Variants in THSD4 observed in about 807,000 individuals in gnomAD.
THSD4 encodes thrombospondin type 1 domain containing 4.
THSD4 carries 69 observed loss-of-function variants against 119.0 expected under a neutral mutation model. That is an observed-to-expected ratio of 0.58 (90% confidence interval 0.48 to 0.71). The LOEUF is 0.71. THSD4 is among the 30% of genes least tolerant of loss of function. THSD4 has a pLI of 0.00. For missense variants in THSD4, 1,393 were observed against 1,391.1 expected (o/e 1.00, Z -0.02); for synonymous variants, 524 against 540.4 (o/e 0.97, Z 0.42).
intron 8 of THSD4, among the ~76,000 whole-genome samples, chr15:71,718,364 A>C (rs542902641): frequency 1.3e-5 from 2 of 152,242 alleles, no homozygotes; most frequent in African/African-American, 4.8e-5. Flanking sequence ...TGCTCGTAGC[A>C]AGTGGACAGC....
chr15:71,319,381 TCCCTCCC>T (rs2045235461), intron 6 of THSD4, among the ~76,000 whole-genome samples: 1 of 137,632 alleles, frequency 7.3e-6, no homozygotes. Flanking sequence ...CCTAATGCTA[TCCCTCCC>T]CCCTCCCCCT....
chr15:71,379,142 C>G (rs2046191814), intron 6 of THSD4, among the ~76,000 whole-genome samples: 1 of 152,070 alleles, frequency 6.6e-6, no homozygotes, highest in South Asian at 2.1e-4. Flanking sequence ...GGCTTCTGCT[C>G]CAGGATTAGG....
intron 8 of THSD4, among the ~76,000 whole-genome samples, chr15:71,689,991 A>C (rs1260136436): frequency 6.6e-6 from 1 of 152,220 alleles, no homozygotes; most frequent in Non-Finnish European, 1.5e-5. Flanking sequence ...ATGCCGCTTC[A>C]AACTTCCCAC....
At chr15:71,679,455 A>G (rs903301008) in intron 8 of THSD4, among the ~76,000 whole-genome samples, 2 of 152,240 alleles carry the variant, frequency 1.3e-5, no homozygotes, top group African/African-American at 4.8e-5. Flanking sequence ...AAAATACGAT[A>G]TACCAAAAAA....
intron 7 of THSD4, among the ~76,000 whole-genome samples, chr15:71,551,923 C>A (rs2048937266): frequency 6.6e-6 from 1 of 152,228 alleles, no homozygotes; most frequent in Non-Finnish European, 1.5e-5. Flanking sequence ...ATGATGGGAA[C>A]CCTCCCCAAA....
chr15:71,341,333 C>T lies in THSD4; in HGVS notation c.1016-70354C>T, dbSNP rs373176169. 1,298 of 1,606,204 alleles carry T rather than the reference C, an allele frequency of 8.1e-4. 2 individuals carry two copies. The highest frequency in any genetic ancestry group is 1.0e-3 in the Non-Finnish European group (1,216 of 1,179,664). On this transcript the variant is annotated intron_variant, in intron 6 of 17. Coordinates refer to ENST00000261862, the MANE Select transcript of THSD4 (RefSeq NM_024817.3). ...CCGACCATGAGCTCTGTAGGTCCGG[C>T]GGTGCATCTTAGGTGCTTTGTTCAC...
At chr15:71,183,239 GA>G (rs2043553899) in intron 3 of THSD4, 1 of 151,744 alleles carries the variant, frequency 6.6e-6, no homozygotes, top group Non-Finnish European at 1.5e-5. Flanking sequence ...CGGATCTTGT[GA>G]GACTTAATTC....
chr15:71,765,331 T>A, intron 16 of THSD4, 132 bp downstream of exon 16: 1 of 1,125,482 alleles, frequency 8.9e-7, no homozygotes, highest in Non-Finnish European at 1.2e-6. Flanking sequence ...CCTTAGGTGG[T>A]AGCTGCTGGA....
intron 4 of THSD4, among the ~76,000 whole-genome samples, chr15:71,230,104 AGGGCAGAGGGCACTGTTT>A (rs1296211200): frequency 2.0e-5 from 3 of 152,126 alleles, no homozygotes; most frequent in Non-Finnish European, 4.4e-5. Flanking sequence ...GTCAGCCTCT[AGGGCAGAGGGCACTGTTT>A]GACAGTCCCT....
intron 6 of THSD4, among the ~76,000 whole-genome samples, chr15:71,408,676 AC>A (rs1255887239): frequency 1.3e-5 from 2 of 151,774 alleles, no homozygotes; most frequent in Non-Finnish European, 2.9e-5. Context: ...ACATGGCAAA[AC>A]CCCATCTCTA....
At chr15:71,512,007 A>G (rs553458871) in intron 7 of THSD4, among the ~76,000 whole-genome samples, 43 of 152,310 alleles carry the variant, frequency 2.8e-4, no homozygotes, top group African/African-American at 1.0e-3. Context: ...AGGCAATGTT[A>G]TGTAATGACC....
chr15:71,687,715 A>G (rs961655656), intron 8 of THSD4, among the ~76,000 whole-genome samples: 5 of 150,306 alleles, frequency 3.3e-5, no homozygotes, highest in African/African-American at 9.8e-5. Context: ...AGATCGTGCC[A>G]TTACACTCCA....
At chr15:71,469,702 G>A (rs1188060058) in intron 7 of THSD4, among the ~76,000 whole-genome samples, 3 of 152,186 alleles carry the variant, frequency 2.0e-5, no homozygotes, top group Non-Finnish European at 1.5e-5. Context: ...AAGAAGGCAG[G>A]AATTTCAGTC....
chr15:71,660,039 T>A (rs1199399820), intron 7 of THSD4, among the ~76,000 whole-genome samples: 1 of 152,178 alleles, frequency 6.6e-6, no homozygotes, highest in African/African-American at 2.4e-5. Context: ...AGTTAGAGGT[T>A]CAGCTCCCAA....
chr15:71,356,146 G>A (rs1233564894), intron 6 of THSD4, among the ~76,000 whole-genome samples: 1 of 152,160 alleles, frequency 6.6e-6, no homozygotes, highest in African/African-American at 2.4e-5. Flanking sequence ...GAGCTTACAG[G>A]AGTGAGCCAC....
In THSD4 at chr15:71,215,082, C is replaced by T. The variant is rs928724840; in HGVS notation, c.147C>T (p.Gly49=). The T allele has an allele frequency of 4.6e-6, 6 of 1,303,022 alleles. No homozygotes were observed. Among genetic ancestry groups the T allele is most frequent in the Non-Finnish European group, 3.9e-6 (4 of 1,024,758 alleles). The allele number at this position is 1,303,022 out of a possible 1,614,324, so 80.7% of individuals were successfully genotyped here. ...AAEGAPEDDG[G]GGAPGVWGAW... ...AGGGCGCCCCCGAGGACGACGGCGG[C>T]GGCGGCGCCCCGGGAGTGTGGGGCG... The change falls in exon 4 of 18, where the codon GGC becomes GGT. Residue 49 remains glycine, a synonymous_variant. Coordinates refer to ENST00000261862, the MANE Select transcript of THSD4 (RefSeq NM_024817.3).
chr15:71,550,250 C>T (rs902308799), intron 7 of THSD4, among the ~76,000 whole-genome samples: 8 of 152,004 alleles, frequency 5.3e-5, no homozygotes, highest in Non-Finnish European at 7.4e-5. Flanking sequence ...AGCAGAATGG[C>T]GGGGAAGGGG....
chr15:71,711,158 T>C (rs1035499628), intron 8 of THSD4, among the ~76,000 whole-genome samples: 1 of 150,438 alleles, frequency 6.6e-6, no homozygotes, highest in African/African-American at 2.4e-5. Flanking sequence ...ATGGCAAATA[T>C]AACATAAATA....
At chr15:71,161,136 T>C (rs183371359) in intron 3 of THSD4, among the ~76,000 whole-genome samples, 1 of 152,252 alleles carries the variant, frequency 6.6e-6, no homozygotes, top group Admixed American at 6.5e-5. Flanking sequence ...ATTATCTTTT[T>C]AAATTTGTTA....
Sources: allele counts gnomAD v4.1 joint callset (sites outside exome capture counted in the v4.1 genomes callset), GRCh38; gene constraint gnomAD v4.1.1; transcripts MANE v1.5; gene names NCBI Gene and HGNC (gene_info 2026-07-23, HGNC 2026-07-21).